Variants in PLXDC1 observed in about 807,000 individuals in gnomAD.
PLXDC1 encodes the protein plexin domain containing 1.
In PLXDC1, 39 loss-of-function variants were observed where a neutral mutation model predicts 61.3. The ratio of observed to expected loss-of-function variants is 0.64; its 90% CI spans 0.49 to 0.83. The LOEUF is 0.83. Among genes scored for constraint, PLXDC1 ranks in the 40% least tolerant of loss-of-function variants. The pLI is 0.00. For missense variants in PLXDC1, 596 were observed against 666.5 expected (o/e 0.89, Z 1.17); for synonymous variants, 212 against 254.5 (o/e 0.83, Z 1.59).
chr17:39,128,568 G>A (rs1258783652), intron 2 of PLXDC1, among the ~76,000 whole-genome samples: 2 of 152,052 alleles, frequency 1.3e-5, no homozygotes, highest in Non-Finnish European at 2.9e-5. Flanking sequence ...CGAGGATGTA[G>A]AGAAATCGGA....
At chr17:39,129,043 T>C (rs766228357) in intron 2 of PLXDC1, among the ~76,000 whole-genome samples, 9 of 151,828 alleles carry the variant, frequency 5.9e-5, no homozygotes, top group Non-Finnish European at 1.2e-4. Context: ...TCATGCCAGA[T>C]GCGGTGGTGC....
At chr17:39,134,312 C>G (rs12940574) in intron 2 of PLXDC1, among the ~76,000 whole-genome samples, 3,202 of 151,522 alleles carry the variant, frequency 0.021, 109 homozygotes, top group African/African-American at 0.073. Flanking sequence ...GCCCCAGTCA[C>G]AGCCCTGCAG....
Position 39,063,981 on chromosome 17 carries a change from C to CTCTGT in PLXDC1, c.*3858_*3859insACAGA, listed in dbSNP as rs1908803013. On this transcript the variant is annotated 3_prime_UTR_variant, in exon 14 of 14. Coordinates refer to ENST00000315392, the MANE Select transcript of PLXDC1 (RefSeq NM_020405.5). The stretch of plus-strand genomic sequence containing the variant: ...CTTTTTGAATAGTGTGGTTGGCTGG[C>CTCTGT]AGCTCTTGTCATTGTTTATCTCTCA... 6.4e-6 allele frequency: 1 copy of CTCTGT among 155,342 alleles called. No homozygotes were observed. Among genetic ancestry groups the CTCTGT allele is most frequent in the African/African-American group, 2.4e-5 (1 of 41,450 alleles). The allele number at this position is 155,342 out of a possible 1,614,324, so 9.6% of individuals were successfully genotyped here. A position where few individuals can be genotyped will look rare whatever the true frequency, so the allele number is the denominator to read the frequency against.
At chr17:39,068,640 G>A (rs1007458986) in intron 13 of PLXDC1, among the ~76,000 whole-genome samples, 1 of 152,200 alleles carries the variant, frequency 6.6e-6, no homozygotes, top group Non-Finnish European at 1.5e-5. Flanking sequence ...TTGTGCCACT[G>A]TACTCCAGCC....
chr17:39,134,040 G>A (rs1197059634), intron 2 of PLXDC1, among the ~76,000 whole-genome samples: 2 of 151,866 alleles, frequency 1.3e-5, no homozygotes, highest in African/African-American at 4.8e-5. Flanking sequence ...GGTGGATCAC[G>A]AGGTCAGGAG....
In PLXDC1 at chr17:39,092,031, C is replaced by T. The variant is rs62076620; in HGVS notation, c.812-4329G>A. Among the ~76,000 whole-genome samples, 13 of 150,084 alleles carry T rather than the reference C, an allele frequency of 8.7e-5. No homozygotes were observed. In the East Asian group the frequency reaches 2.6e-3, roughly 29 times the overall value. ...ATAAGTGGGGAAACTGAGGTTCAGA[C>T]AGATTAACCCATAGACAGATACAAC... On this transcript the variant is annotated intron_variant, in intron 7 of 13. Coordinates refer to ENST00000315392, the MANE Select transcript of PLXDC1 (RefSeq NM_020405.5).
chr17:39,078,090 C>T (rs770443965), intron 10 of PLXDC1, 42 bp from the exon 11 acceptor site: 7 of 1,510,764 alleles, frequency 4.6e-6, no homozygotes, highest in Admixed American at 2.2e-5. Flanking sequence ...TGCATTTACA[C>T]CTTTCCCTTC....
At chr17:39,108,475 C>T (rs189918906) in intron 4 of PLXDC1, 385 of 568,434 alleles carry the variant, frequency 6.8e-4, no homozygotes, top group Non-Finnish European at 1.1e-3. Context: ...GACTATAGGG[C>T]GAGGGGGCAG....
Position 39,067,494 on chromosome 17 carries a change from C to G in PLXDC1, c.*346G>C, listed in dbSNP as rs993889571. ...TTTTATGTCAGTGCTCTAAAGTTAT[C>G]CTAGCCTAGGTGCAGGAATAGGTAA... On this transcript the variant is annotated 3_prime_UTR_variant, in exon 14 of 14. Coordinates refer to ENST00000315392, the MANE Select transcript of PLXDC1 (RefSeq NM_020405.5). 4.9e-5 allele frequency: 9 copies of G among 185,228 alleles called. No homozygotes were observed. Among genetic ancestry groups the G allele is most frequent in the African/African-American group, 2.1e-4 (9 of 42,734 alleles). 11.5% of individuals were successfully genotyped at this position (185,228 alleles called of 1,614,324 possible). A position where few individuals can be genotyped will look rare whatever the true frequency, so the allele number is the denominator to read the frequency against.
At chr17:39,087,401 T>C (rs955331713) in intron 8 of PLXDC1, among the ~76,000 whole-genome samples, 1 of 152,172 alleles carries the variant, frequency 6.6e-6, no homozygotes, top group South Asian at 2.1e-4. Context: ...CTGCGGCCGA[T>C]GTGCTCAACT....
chr17:39,148,311 C>G (rs2045353904), intron 1 of PLXDC1, among the ~76,000 whole-genome samples: 1 of 152,160 alleles, frequency 6.6e-6, no homozygotes, highest in Non-Finnish European at 1.5e-5. Context: ...TCAAACGATC[C>G]TCCTGCCTCA....
chr17:39,110,983 C>T (rs1910779056), intron 2 of PLXDC1, among the ~76,000 whole-genome samples: 1 of 152,188 alleles, frequency 6.6e-6, no homozygotes, highest in Non-Finnish European at 1.5e-5. Context: ...AAACACCTTG[C>T]TCTGTTCACA....
intron 7 of PLXDC1, among the ~76,000 whole-genome samples, chr17:39,092,746 G>A (rs535158987): frequency 2.0e-5 from 3 of 152,354 alleles, no homozygotes; most frequent in South Asian, 2.1e-4. Context: ...CCTCAGGGCT[G>A]GAAGCCACTG....
chr17:39,092,140 G>A lies in PLXDC1; in HGVS notation c.812-4438C>T, dbSNP rs183064641. ...GTCACCCAGGCTGGAGTGTAATGGCGCAATCACAGTTCACTGCAGCCTTGA... is the reference window on the plus strand; with the variant it reads ...GTCACCCAGGCTGGAGTGTAATGGCACAATCACAGTTCACTGCAGCCTTGA... On this transcript the variant is annotated intron_variant, in intron 7 of 13. Transcript: ENST00000315392. Among the ~76,000 whole-genome samples the A allele has an allele frequency of 3.2e-3, 489 of 151,992 alleles. 2 individuals carry two copies. The highest frequency in any genetic ancestry group is 0.011 in the African/African-American group (448 of 41,426).
intron 2 of PLXDC1, among the ~76,000 whole-genome samples, chr17:39,128,111 A>ATATATATATATATATATATATATATG (rs1444960892): frequency 9.6e-6 from 1 of 104,656 alleles, no homozygotes; most frequent in Non-Finnish European, 1.9e-5. Context: ...ATATATATAT[A>ATATATATATATATATATATATATATG]TATGTATATA....
chr17:39,083,027 T>G (rs1909618519), intron 9 of PLXDC1, among the ~76,000 whole-genome samples: 1 of 152,228 alleles, frequency 6.6e-6, no homozygotes, highest in African/African-American at 2.4e-5. Context: ...CATGGGTCTT[T>G]GGACCAGACT....
intron 11 of PLXDC1, among the ~76,000 whole-genome samples, chr17:39,074,634 GC>G (rs933498781): frequency 3.9e-5 from 6 of 152,116 alleles, no homozygotes; most frequent in Non-Finnish European, 8.8e-5. Context: ...TTTAGGCTTG[GC>G]CCCCAAGTGC....
chr17:39,108,681 C>T (rs8082161), intron 4 of PLXDC1: 11 of 579,482 alleles, frequency 1.9e-5, no homozygotes, highest in East Asian at 1.8e-4. Context: ...CGTGCTGGCC[C>T]GAGGAGACAC....
At chr17:39,106,897 C>T (rs1910614356) in intron 6 of PLXDC1, among the ~76,000 whole-genome samples, 1 of 151,968 alleles carries the variant, frequency 6.6e-6, no homozygotes, top group Non-Finnish European at 1.5e-5. Flanking sequence ...GATGATCCAC[C>T]CACCTCAGCC....
Sources: allele counts gnomAD v4.1 joint callset (sites outside exome capture counted in the v4.1 genomes callset), GRCh38; gene constraint gnomAD v4.1.1; transcripts MANE v1.5; gene names NCBI Gene and HGNC (gene_info 2026-07-23, HGNC 2026-07-21).